The following RGS22 variants were observed in gnomAD, a reference collection of about 807,000 sequenced individuals.
RGS22 encodes regulator of G-protein signaling 22.
RGS22 carries 148 observed loss-of-function variants against 172.9 expected under a neutral mutation model. The ratio of observed to expected loss-of-function variants is 0.86; its 90% confidence interval spans 0.75 to 0.98. The LOEUF (loss-of-function observed/expected upper bound fraction) is 0.98. RGS22 is among the 50% of genes least tolerant of loss of function. The pLI is 0.00. For missense variants in RGS22, 1,347 were observed against 1,440.8 expected (o/e 0.93, Z 1.05); for synonymous variants, 458 against 480.2 (o/e 0.95, Z 0.60).
chr8:99,993,393 G>C (rs1397576091), intron 20 of RGS22, among the ~76,000 whole-genome samples: 1 of 152,018 alleles, frequency 6.6e-6, no homozygotes, highest in Admixed American at 6.6e-5. Flanking sequence ...AGAAAAGAGA[G>C]AAGAGTCAAA....
intron 17 of RGS22, 69 bp from the exon 18 acceptor site, chr8:100,002,433 T>A: frequency 6.8e-7 from 1 of 1,461,188 alleles, no homozygotes; most frequent in East Asian, 2.4e-5. Flanking sequence ...AAACACCCGA[T>A]TGTTGTTTTG....
intron 8 of RGS22, 103 bp downstream of exon 8, chr8:100,063,313 A>C (rs1810288439): frequency 7.8e-6 from 6 of 768,034 alleles, no homozygotes; most frequent in Admixed American, 3.4e-5. Flanking sequence ...AAAAAATTAC[A>C]TTTTTTAAAA....
intron 6 of RGS22, among the ~76,000 whole-genome samples, chr8:100,067,202 C>T (rs1416721658): frequency 6.6e-6 from 1 of 152,006 alleles, no homozygotes; most frequent in East Asian, 1.9e-4. Flanking sequence ...AAATTACTCC[C>T]TATCTATTAA....
At chr8:100,066,658 G>C (rs576130432) in intron 6 of RGS22, among the ~76,000 whole-genome samples, 1 of 152,084 alleles carries the variant, frequency 6.6e-6, no homozygotes, top group Non-Finnish European at 1.5e-5. Flanking sequence ...CCTTTTGCTA[G>C]CTGCTCCCCT....
intron 2 of RGS22, among the ~76,000 whole-genome samples, chr8:100,096,105 A>AC (rs1430077614): frequency 3.3e-5 from 5 of 152,234 alleles, no homozygotes; most frequent in South Asian, 2.1e-4. Context: ...AGCTGTTTAC[A>AC]CCACAAACCC....
intron 20 of RGS22, among the ~76,000 whole-genome samples, chr8:99,988,221 T>C (rs748691788): frequency 6.6e-6 from 1 of 151,730 alleles, no homozygotes; most frequent in Non-Finnish European, 1.5e-5. Flanking sequence ...CAAATAATGA[T>C]TATTAATAAA....
At chr8:100,038,756 CA>C in intron 14 of RGS22, 174 bp downstream of exon 14, 1 of 411,754 alleles carries the variant, frequency 2.4e-6, no homozygotes, top group Non-Finnish European at 4.3e-6. Context: ...TGAAAACTCA[CA>C]AATCATATTA....
intron 20 of RGS22, among the ~76,000 whole-genome samples, chr8:99,996,152 A>G (rs1053182286): frequency 1.4e-4 from 21 of 152,222 alleles, no homozygotes; most frequent in African/African-American, 4.8e-4. Context: ...AGGAGAAATA[A>G]CTAATGTAAA....
rs560044291 is a variant in RGS22 at position 100,038,660 on chromosome 8, A to G, written c.2166+271T>C. 4.8e-4 allele frequency: 128 copies of G among 264,920 alleles called. 1 individual carries two copies. Among genetic ancestry groups the G allele is most frequent in the African/African-American group, 2.4e-3 (107 of 45,148 alleles). The allele number at this position is 264,920 out of a possible 1,614,324, so 16.4% of individuals were successfully genotyped here. On this transcript the variant is annotated intron_variant, in intron 14 of 27. Coordinates refer to ENST00000360863, the MANE Select transcript of RGS22 (RefSeq NM_015668.5). The stretch of plus-strand genomic sequence containing the variant: ...ACCAAACCAAAAAGGTATACATTAG[A>G]AAAAAAAGAGAGAGAGATGTTCTTT...
intron 20 of RGS22, among the ~76,000 whole-genome samples, chr8:99,989,554 G>T (rs1224013100): frequency 2.0e-5 from 3 of 152,118 alleles, no homozygotes; most frequent in Non-Finnish European, 4.4e-5. Context: ...TAAATAGAAG[G>T]GATAATGTGC....
chr8:100,099,421 G>A (rs565478699), intron 2 of RGS22, among the ~76,000 whole-genome samples: 1 of 152,142 alleles, frequency 6.6e-6, no homozygotes, highest in African/African-American at 2.4e-5. Context: ...GTAAAAAGAG[G>A]ATGTGGCAAG....
Position 100,042,000 on chromosome 8 carries a change from T to C in RGS22, c.1824-84A>G, listed in dbSNP as rs141642879. The C allele has an allele frequency of 2.5e-3, 1,838 of 732,634 alleles. 12 individuals are homozygous for C. The highest frequency in any genetic ancestry group is 3.1e-3 in the Non-Finnish European group (1,328 of 425,820). The allele number at this position is 732,634 out of a possible 1,614,324, so 45.4% of individuals were successfully genotyped here. On this transcript the variant is annotated intron_variant, in intron 11 of 27. Coordinates refer to ENST00000360863, the MANE Select transcript of RGS22 (RefSeq NM_015668.5). ...AAATTTTGAGCACTTTTGGTATACA[T>C]AGCACCGAATCTCAAGAGTACTTCT...
intron 3 of RGS22, among the ~76,000 whole-genome samples, chr8:100,085,246 C>A (rs1812077146): frequency 6.6e-6 from 1 of 152,128 alleles, no homozygotes; most frequent in South Asian, 2.1e-4. Flanking sequence ...TTAGCTCATT[C>A]ATTTATTCAA....
rs776860096 is a variant in RGS22 at position 100,063,608 on chromosome 8, G to A, written c.1160C>T (p.Ser387Leu). ...SEEIEQTSLSSKNESAGPESR... is the reference protein window; with the variant it reads ...SEEIEQTSLSLKNESAGPESR... ...CTCTGGTCCAGCGCTCTCATTCTTT[G>A]AACTTAAACTTGTTTGTTCTATCTC... Residue 387 changes from serine (S) to leucine (L), a missense_variant, in exon 8 of 28, where the codon TCA becomes TTA. By Grantham distance (145) the Ser-to-Leu change is moderately radical. Coordinates refer to ENST00000360863, the MANE Select transcript of RGS22 (RefSeq NM_015668.5). 1.2e-6 allele frequency: 2 copies of A among 1,613,994 alleles called. No individual in the cohort carries two copies. The highest frequency in any genetic ancestry group is 1.7e-6 in the Non-Finnish European group (2 of 1,179,972).
At chr8:100,025,672 A>T in intron 14 of RGS22, among the ~76,000 whole-genome samples, 1 of 152,230 alleles carries the variant, frequency 6.6e-6, no homozygotes, top group East Asian at 1.9e-4. Context: ...CTAAACAATT[A>T]AGGTAATGGA....
At chr8:100,083,001 G>T (rs1811877708) in intron 3 of RGS22, among the ~76,000 whole-genome samples, 1 of 152,190 alleles carries the variant, frequency 6.6e-6, no homozygotes, top group African/African-American at 2.4e-5. Flanking sequence ...AGTATAACCA[G>T]ATCATGAAAG....
At chr8:100,105,723 G>A in intron 1 of RGS22, 174 bp downstream of exon 1, 2 of 577,218 alleles carry the variant, frequency 3.5e-6, no homozygotes, top group Middle Eastern at 3.4e-4. Flanking sequence ...GCATAAACCG[G>A]CGAGGACGTG....
At chr8:99,962,538 G>A (rs143998080) in intron 26 of RGS22, 95 bp from the exon 27 acceptor site, 25 of 1,454,484 alleles carry the variant, frequency 1.7e-5, no homozygotes, top group Middle Eastern at 1.7e-4. Context: ...TCACACACAC[G>A]GAGAAATTCT....
At chr8:99,974,220 A>G (rs1209266997) in intron 23 of RGS22, among the ~76,000 whole-genome samples, 1 of 152,178 alleles carries the variant, frequency 6.6e-6, no homozygotes, top group Non-Finnish European at 1.5e-5. Context: ...TTCAGCAGTC[A>G]ATTACACATT....
Sources: gnomAD v4.1 joint callset for allele counts (sites outside exome capture counted in the v4.1 genomes callset) on GRCh38, gnomAD v4.1.1 for gene constraint, MANE v1.5 for transcripts, NCBI Gene and HGNC (gene_info 2026-07-23, HGNC 2026-07-21) for gene names.